The following RSRC1 variants were observed in gnomAD, a reference collection of about 807,000 sequenced individuals.
RSRC1 encodes arginine and serine rich coiled-coil 1.
A neutral mutation model predicts 49.1 loss-of-function variants in RSRC1; 39 were observed. That is an observed-to-expected ratio of 0.79 (90% CI 0.61 to 1.04). RSRC1 has a LOEUF of 1.04. Among genes scored for constraint, RSRC1 ranks in the 50% least tolerant of loss-of-function variants. The probability of loss-of-function intolerance (pLI) is 0.00; values close to 1 mark genes in which losing one functional copy is unlikely to be tolerated. For missense variants in RSRC1, 388 were observed against 402.4 expected, an observed-to-expected ratio of 0.96 and a Z score of 0.31; for synonymous variants, 143 against 130.8, an observed-to-expected ratio of 1.09 and a Z score of -0.63.
intron 7 of RSRC1, among the ~76,000 whole-genome samples, chr3:158,482,166 C>A (rs966800472): frequency 2.0e-5 from 3 of 151,716 alleles, no homozygotes; most frequent in African/African-American, 7.3e-5. Flanking sequence ...AGTGAATTAA[C>A]AAATTAGTTT....
intron 6 of RSRC1, among the ~76,000 whole-genome samples, chr3:158,378,732 G>A (rs1030898481): frequency 1.4e-4 from 22 of 152,090 alleles, no homozygotes; most frequent in African/African-American, 4.8e-4. Flanking sequence ...CCAGTGGCTG[G>A]ATTTGCCTGG....
intron 4 of RSRC1, among the ~76,000 whole-genome samples, chr3:158,271,136 T>C (rs1164917866): frequency 2.3e-5 from 1 of 42,756 alleles, no homozygotes; most frequent in Non-Finnish European, 4.4e-5. Flanking sequence ...AATACACTAA[T>C]TTTTTTGAAG....
intron 3 of RSRC1, among the ~76,000 whole-genome samples, chr3:158,142,875 G>T (rs925280650): frequency 6.6e-6 from 1 of 152,118 alleles, no homozygotes; most frequent in African/African-American, 2.4e-5. Context: ...CACTTGTGTC[G>T]TAGGCTTCCC....
chr3:158,312,198 G>A (rs1728168193), intron 5 of RSRC1, among the ~76,000 whole-genome samples: 2 of 150,958 alleles, frequency 1.3e-5, no homozygotes, highest in Admixed American at 6.6e-5. Flanking sequence ...TTCCTACTCT[G>A]GTGAGAAAAG....
intron 5 of RSRC1, among the ~76,000 whole-genome samples, chr3:158,316,451 T>C (rs1295206312): frequency 7.2e-6 from 1 of 139,114 alleles, no homozygotes; most frequent in African/African-American, 2.7e-5. Context: ...TTTTTTTTTT[T>C]TTTTTTTTTT....
chr3:158,347,288 ACAAAT>A (rs1395592005), intron 5 of RSRC1, among the ~76,000 whole-genome samples: 3 of 152,164 alleles, frequency 2.0e-5, no homozygotes, highest in African/African-American at 7.2e-5. Context: ...AATTTTTTGA[ACAAAT>A]GAAAGTAATA....
chr3:158,514,567 G>A (rs1740388031), intron 7 of RSRC1, among the ~76,000 whole-genome samples: 1 of 152,224 alleles, frequency 6.6e-6, no homozygotes, highest in African/African-American at 2.4e-5. Flanking sequence ...TAGGTGTGGT[G>A]TGGTGCTGAA....
At chr3:158,212,645 T>A (rs76933046) in intron 4 of RSRC1, among the ~76,000 whole-genome samples, 3,254 of 151,962 alleles carry the variant, frequency 0.021, 122 homozygotes, top group African/African-American at 0.075. Context: ...TTCATTGAGA[T>A]CTTTAACTGA....
chr3:158,198,552 T>G (rs897213456), intron 3 of RSRC1, among the ~76,000 whole-genome samples: 1 of 152,222 alleles, frequency 6.6e-6, no homozygotes, highest in Non-Finnish European at 1.5e-5. Flanking sequence ...CTGGTTATTT[T>G]GCTCGTTAGT....
At chr3:158,390,633 A>G (rs374282231) in intron 6 of RSRC1, among the ~76,000 whole-genome samples, 4 of 152,248 alleles carry the variant, frequency 2.6e-5, no homozygotes. Flanking sequence ...ATATAAATAC[A>G]ATAATATTAT....
chr3:158,529,416 G>A (rs1712249343), intron 7 of RSRC1, among the ~76,000 whole-genome samples: 1 of 151,888 alleles, frequency 6.6e-6, no homozygotes, highest in South Asian at 2.1e-4. Flanking sequence ...TCACAATTCA[G>A]GGGTTGAATC....
intron 7 of RSRC1, among the ~76,000 whole-genome samples, chr3:158,517,690 A>G (rs1381075172): frequency 3.4e-5 from 5 of 146,708 alleles, no homozygotes; most frequent in African/African-American, 1.2e-4. Context: ...ACTGCTGGAC[A>G]CAAGTGATCC....
At chr3:158,284,515 TA>T (rs1191068915) in intron 4 of RSRC1, among the ~76,000 whole-genome samples, 1 of 149,438 alleles carries the variant, frequency 6.7e-6, no homozygotes, top group Non-Finnish European at 1.5e-5. Flanking sequence ...ACCAACAGTG[TA>T]AAAGTGTTCC....
intron 7 of RSRC1, among the ~76,000 whole-genome samples, chr3:158,508,069 A>AGG (rs1212287558): frequency 1.3e-5 from 2 of 152,232 alleles, no homozygotes; most frequent in East Asian, 3.9e-4. Context: ...TGAGAGAGAG[A>AGG]GTCTGTCTAC....
chr3:158,172,684 A>G (rs1367242529), intron 3 of RSRC1, among the ~76,000 whole-genome samples: 1 of 152,154 alleles, frequency 6.6e-6, no homozygotes, highest in Non-Finnish European at 1.5e-5. Flanking sequence ...AAAATTAAAC[A>G]TGGCTATTCA....
At chr3:158,364,135 T>C (rs1010365162) in intron 6 of RSRC1, among the ~76,000 whole-genome samples, 6 of 152,240 alleles carry the variant, frequency 3.9e-5, no homozygotes, top group Non-Finnish European at 8.8e-5. Context: ...CCAACACTTC[T>C]CTAAAGTCCG....
chr3:158,204,166 A>C (rs1340652458), intron 4 of RSRC1, among the ~76,000 whole-genome samples: 1 of 152,182 alleles, frequency 6.6e-6, no homozygotes, highest in East Asian at 1.9e-4. Flanking sequence ...TCTTGATTCT[A>C]TAAAGAATTA....
chr3:158,251,817 T>A (rs1724222945), intron 4 of RSRC1, among the ~76,000 whole-genome samples: 1 of 152,198 alleles, frequency 6.6e-6, no homozygotes, highest in Non-Finnish European at 1.5e-5. Context: ...TTTCTTTTCT[T>A]GTTTGATTGC....
intron 6 of RSRC1, among the ~76,000 whole-genome samples, chr3:158,359,096 A>G (rs765474133): frequency 3.9e-5 from 6 of 152,138 alleles, no homozygotes; most frequent in Non-Finnish European, 7.4e-5. Context: ...TAGTGGGGTC[A>G]TTTGGTAATT....
Sources: gnomAD v4.1 joint callset for allele counts (sites outside exome capture counted in the v4.1 genomes callset) on GRCh38, gnomAD v4.1.1 for gene constraint, MANE v1.5 for transcripts, NCBI Gene and HGNC (gene_info 2026-07-23, HGNC 2026-07-21) for gene names.